The following AFF3 variants were observed in gnomAD, a reference collection of about 807,000 sequenced individuals.
AFF3 encodes the protein ALF transcription elongation factor 3.
In AFF3, 32 loss-of-function variants were observed where a neutral mutation model predicts 129.7. That is an observed-to-expected ratio of 0.25 (90% confidence interval 0.19 to 0.33). The LOEUF (loss-of-function observed/expected upper bound fraction) is 0.33, where lower values mean the gene tolerates loss of function less well. Ranked by LOEUF, AFF3 falls within the 10% of genes least tolerant of loss-of-function variation. The probability of loss-of-function intolerance (pLI) is 1.00; values close to 1 mark genes in which losing one functional copy is unlikely to be tolerated. For missense variants in AFF3, 1,373 were observed against 1,592.0 expected, an observed-to-expected ratio of 0.86 and a Z score of 2.34; for synonymous variants, 644 against 635.4, an observed-to-expected ratio of 1.01 and a Z score of -0.20.
At chr2:100,142,326 A>G (rs1692923953) in intron 1 of AFF3, among the ~76,000 whole-genome samples, 158 bp downstream of exon 1, 1 of 150,866 alleles carries the variant, frequency 6.6e-6, no homozygotes. Flanking sequence ...GGCCTGGACC[A>G]TCTCGGTGAG....
intron 10 of AFF3, among the ~76,000 whole-genome samples, chr2:99,728,595 A>C (rs1159923158): frequency 6.6e-6 from 1 of 152,226 alleles, no homozygotes; most frequent in Non-Finnish European, 1.5e-5. Context: ...TGAGAAAAAG[A>C]AGACACAGTT....
chr2:99,851,206 A>G (rs1351120116), intron 7 of AFF3, among the ~76,000 whole-genome samples: 1 of 152,254 alleles, frequency 6.6e-6, no homozygotes, highest in African/African-American at 2.4e-5. Flanking sequence ...CTTAGAAAAT[A>G]CATCATAAAT....
At chr2:99,921,203 C>T (rs1193198686) in intron 7 of AFF3, among the ~76,000 whole-genome samples, 1 of 152,150 alleles carries the variant, frequency 6.6e-6, no homozygotes, top group Non-Finnish European at 1.5e-5. Context: ...AGAATGCCAA[C>T]TCTGTAACAT....
intron 13 of AFF3, among the ~76,000 whole-genome samples, chr2:99,603,633 C>T (rs962580321): frequency 1.3e-5 from 2 of 152,122 alleles, no homozygotes; most frequent in African/African-American, 4.8e-5. Context: ...TGACAAGTGA[C>T]ATCTAATTAA....
intron 4 of AFF3, among the ~76,000 whole-genome samples, chr2:100,082,808 T>C (rs1283614118): frequency 6.6e-6 from 1 of 152,200 alleles, no homozygotes; most frequent in African/African-American, 2.4e-5. Flanking sequence ...TGGCTGGGCT[T>C]GGTGGCTCAT....
intron 19 of AFF3, among the ~76,000 whole-genome samples, chr2:99,566,840 CA>C (rs1322119295): frequency 1.3e-5 from 2 of 151,670 alleles, no homozygotes; most frequent in African/African-American, 2.4e-5. Context: ...ACTAAAAATA[CA>C]AAAAAAACTT....
intron 4 of AFF3, among the ~76,000 whole-genome samples, chr2:100,048,776 GTA>G (rs1362364863): frequency 6.6e-6 from 1 of 152,146 alleles, no homozygotes; most frequent in Non-Finnish European, 1.5e-5. Flanking sequence ...ATGTAGAAAT[GTA>G]TGAGTATAAT....
At chr2:100,015,031 C>A (rs1682895571) in intron 4 of AFF3, among the ~76,000 whole-genome samples, 1 of 148,500 alleles carries the variant, frequency 6.7e-6, no homozygotes, top group African/African-American at 2.5e-5. Context: ...GTCTCGATCT[C>A]CTGACCTCAT....
chr2:100,059,320 G>A lies in AFF3; in HGVS notation c.53+45082C>T, dbSNP rs547857688. On this transcript the variant is annotated intron_variant, in intron 4 of 24. Coordinates refer to ENST00000672756, the MANE Select transcript of AFF3 (RefSeq NM_001386135.1). ...AGACATTTCTCTAAAGAAGATAAAT[G>A]AATGGCAAATAAGCACAGGAAAAGG... 7.7e-5 allele frequency among the ~76,000 whole-genome samples: 10 copies of A among 129,966 alleles called. No homozygotes were observed. In the South Asian group the frequency reaches 2.6e-3, roughly 34 times the overall value. The allele number at this position is 129,966 out of a possible 152,430, so 85.3% of individuals were successfully genotyped here. A position where few individuals can be genotyped will look rare whatever the true frequency, so the allele number is the denominator to read the frequency against.
At position 99,968,941 on chromosome 2, in the gene AFF3, C is replaced by T. The variant is rs190451557; in HGVS notation, c.873+37691G>A. 4.6e-5 allele frequency among the ~76,000 whole-genome samples: 7 copies of T among 152,306 alleles called. No homozygotes were observed. The East Asian group carries it at 1.2e-3, about 25-fold the overall frequency. ...CACTGCAAAGAAAGAGAACCACAGG[C>T]TCCAGGGTCCTAAGTGAGATGAGAT... On this transcript the variant is annotated intron_variant, in intron 7 of 24. Coordinates refer to ENST00000672756, the MANE Select transcript of AFF3 (RefSeq NM_001386135.1).
At chr2:99,701,245 A>G (rs1676832390) in intron 11 of AFF3, among the ~76,000 whole-genome samples, 1 of 152,138 alleles carries the variant, frequency 6.6e-6, no homozygotes, top group Admixed American at 6.5e-5. Context: ...GACAAATGGC[A>G]CACCAAAGTG....
At chr2:99,712,754 A>C (rs940504522) in intron 11 of AFF3, among the ~76,000 whole-genome samples, 19 of 152,242 alleles carry the variant, frequency 1.2e-4, no homozygotes, top group African/African-American at 9.6e-5. Context: ...CCCAAAAATT[A>C]AGAACAGGGG....
At chr2:100,058,784 G>C (rs1056738585) in intron 4 of AFF3, among the ~76,000 whole-genome samples, 1 of 151,970 alleles carries the variant, frequency 6.6e-6, no homozygotes, top group African/African-American at 2.4e-5. Flanking sequence ...GACACGAAAA[G>C]TACAAGTATA....
chr2:99,619,103 A>T (rs1406541229), intron 13 of AFF3, among the ~76,000 whole-genome samples: 1 of 152,194 alleles, frequency 6.6e-6, no homozygotes, highest in East Asian at 1.9e-4. Flanking sequence ...GACTGCAAGG[A>T]CCCAGAGAGA....
chr2:100,080,295 T>C (rs144864057), intron 4 of AFF3, among the ~76,000 whole-genome samples: 3 of 152,350 alleles, frequency 2.0e-5, no homozygotes, highest in Non-Finnish European at 4.4e-5. Context: ...GTAAAGATGC[T>C]ATTATTAGTA....
intron 4 of AFF3, among the ~76,000 whole-genome samples, chr2:100,053,288 C>A (rs1686501807): frequency 6.6e-6 from 1 of 152,176 alleles, no homozygotes; most frequent in East Asian, 1.9e-4. Context: ...TTTGACAGTA[C>A]CCGAGAGTTG....
At position 99,601,498 on chromosome 2, in the gene AFF3, C is replaced by T. The variant is rs202019958; in HGVS notation, c.1308G>A (p.Ser436=). 28 of 1,608,406 alleles carry T rather than the reference C, an allele frequency of 1.7e-5. No individual in the cohort carries two copies. Among genetic ancestry groups the T allele is most frequent in the East Asian group, 1.6e-4 (7 of 44,692 alleles). The change falls in exon 14 of 25, where the codon TCG becomes TCA. Residue 436 remains serine (S), a synonymous_variant. Coordinates refer to ENST00000672756, the MANE Select transcript of AFF3 (RefSeq NM_001386135.1). ...SDSESSSGSD[S]ETESSSSESE... ...TCTCGCTGGAGCTGCTCTCGGTCTC[C>T]GAGTCAGATCCGGAGCTGCTCTCTG...
At chr2:99,777,947 C>CA (rs576434643) in intron 8 of AFF3, among the ~76,000 whole-genome samples, 5,233 of 48,154 alleles carry the variant, frequency 0.11, 149 homozygotes, top group East Asian at 0.21. Flanking sequence ...AAAGCAAAAG[C>CA]AAAAAAAAAA....
intron 13 of AFF3, among the ~76,000 whole-genome samples, chr2:99,605,638 T>C (rs1680257152): frequency 6.6e-6 from 1 of 152,192 alleles, no homozygotes. Context: ...AGGAATGGCA[T>C]TCCCTGCAGA....
Sources: allele counts gnomAD v4.1 joint callset (sites outside exome capture counted in the v4.1 genomes callset), GRCh38; gene constraint gnomAD v4.1.1; transcripts MANE v1.5; gene names NCBI Gene and HGNC (gene_info 2026-07-23, HGNC 2026-07-21).